PHACTR1: variants seen among roughly 807,000 people sequenced by gnomAD.
PHACTR1 encodes phosphatase and actin regulator 1, also known as RPEL repeat containing 1.
A neutral mutation model predicts 69.2 loss-of-function variants in PHACTR1; 16 were observed. The observed-to-expected ratio is 0.23, with a 90% CI of 0.16 to 0.35. PHACTR1 has a LOEUF of 0.35. PHACTR1 is among the 10% of genes least tolerant of loss of function. The probability of loss-of-function intolerance (pLI) is 1.00; values close to 1 mark genes in which losing one functional copy is unlikely to be tolerated. For missense variants in PHACTR1, 510 were observed against 734.7 expected (o/e 0.69, Z 3.54); for synonymous variants, 312 against 284.5 (o/e 1.10, Z -0.97).
At chr6:13,055,824 G>A (rs561362983) in intron 5 of PHACTR1, among the ~76,000 whole-genome samples, 31 of 152,342 alleles carry the variant, frequency 2.0e-4, no homozygotes, top group African/African-American at 7.0e-4. Context: ...ATTATTAAAC[G>A]TCTTCAAAAA....
At position 12,794,474 on chromosome 6, in the gene PHACTR1, GC is replaced by G. The variant is rs1159809844; in HGVS notation, c.250+44687del. Among the ~76,000 whole-genome samples, 10 of 152,302 alleles carry G rather than the reference GC, an allele frequency of 6.6e-5. No homozygotes were observed. The South Asian group carries it at 2.1e-3, about 32-fold the overall frequency. Reference sequence around the variant, plus strand: ...GCCTGAATATGCTGGGCATAGAGCAGCCCTATGCAATAGAAATTCATGAAAC... The same window carrying G: ...GCCTGAATATGCTGGGCATAGAGCAGCCTATGCAATAGAAATTCATGAAAC... On this transcript the variant is annotated intron_variant, in intron 4 of 14. Transcript: ENST00000332995.
intron 4 of PHACTR1, among the ~76,000 whole-genome samples, chr6:13,052,329 G>A (rs555545665): frequency 1.8e-4 from 28 of 152,322 alleles, no homozygotes; most frequent in Admixed American, 1.2e-3. Context: ...ATGGTCATTG[G>A]CAGGTTGAAC....
At chr6:12,790,153 C>A (rs1182615539) in intron 4 of PHACTR1, among the ~76,000 whole-genome samples, 1 of 152,146 alleles carries the variant, frequency 6.6e-6, no homozygotes, top group Non-Finnish European at 1.5e-5. Context: ...CAGGTCATAT[C>A]ATTCCTCTGT....
intron 4 of PHACTR1, among the ~76,000 whole-genome samples, chr6:12,862,420 G>A (rs894147678): frequency 3.9e-5 from 6 of 152,100 alleles, no homozygotes; most frequent in African/African-American, 1.4e-4. Context: ...CTAGATCTGG[G>A]AGACTGTGAG....
At chr6:13,203,409 A>G (rs1765492681) in intron 7 of PHACTR1, among the ~76,000 whole-genome samples, 2 of 152,260 alleles carry the variant, frequency 1.3e-5, no homozygotes, top group South Asian at 4.1e-4. Context: ...CATCTACCTC[A>G]GACTTGTTGT....
intron 10 of PHACTR1, among the ~76,000 whole-genome samples, chr6:13,254,428 A>G (rs1736502): frequency 0.075 from 11,430 of 152,142 alleles, 708 homozygotes; most frequent in Admixed American, 0.22. Flanking sequence ...CCTTAAAGAG[A>G]AATGGTGCAA....
chr6:12,842,337 C>G (rs1778781020), intron 4 of PHACTR1, among the ~76,000 whole-genome samples: 1 of 152,064 alleles, frequency 6.6e-6, no homozygotes, highest in Non-Finnish European at 1.5e-5. Flanking sequence ...GCCAGTGTTA[C>G]TGGGGAAAAC....
At chr6:12,814,219 G>A (rs1775325465) in intron 4 of PHACTR1, among the ~76,000 whole-genome samples, 2 of 152,132 alleles carry the variant, frequency 1.3e-5, no homozygotes, top group Admixed American at 6.5e-5. Context: ...TCCTCTTGCT[G>A]CCCTGTGTTG....
At chr6:12,877,248 C>T (rs1561970485) in intron 4 of PHACTR1, among the ~76,000 whole-genome samples, 1 of 152,138 alleles carries the variant, frequency 6.6e-6, no homozygotes, top group Non-Finnish European at 1.5e-5. Flanking sequence ...GAAAGGGTTG[C>T]AGTAGAATGA....
intron 4 of PHACTR1, among the ~76,000 whole-genome samples, chr6:12,997,474 G>A (rs1797566646): frequency 6.6e-6 from 1 of 150,568 alleles, no homozygotes; most frequent in East Asian, 1.9e-4. Context: ...ATTTTTTCTA[G>A]TTTTATTCTA....
intron 4 of PHACTR1, among the ~76,000 whole-genome samples, chr6:12,953,230 G>A (rs978468601): frequency 6.6e-6 from 1 of 152,184 alleles, no homozygotes; most frequent in African/African-American, 2.4e-5. Flanking sequence ...GGCTGCGGCA[G>A]GAGAATCTCT....
intron 5 of PHACTR1, among the ~76,000 whole-genome samples, chr6:13,125,793 G>C (rs527874438): frequency 6.6e-6 from 1 of 152,142 alleles, no homozygotes; most frequent in African/African-American, 2.4e-5. Flanking sequence ...AGCCAGACTT[G>C]GTGGTGCACA....
At chr6:13,074,586 G>A (rs1305833427) in intron 5 of PHACTR1, among the ~76,000 whole-genome samples, 1 of 152,230 alleles carries the variant, frequency 6.6e-6, no homozygotes, top group Non-Finnish European at 1.5e-5. Flanking sequence ...TTTCAGATTT[G>A]AGGAAGGCCA....
intron 5 of PHACTR1, among the ~76,000 whole-genome samples, chr6:13,092,496 G>A (rs139203545): frequency 1.3e-5 from 2 of 152,312 alleles, no homozygotes; most frequent in African/African-American, 4.8e-5. Context: ...CAGAAGCCAG[G>A]CAATCCTTCT....
intron 5 of PHACTR1, among the ~76,000 whole-genome samples, chr6:13,133,914 C>G (rs1418500174): frequency 6.6e-6 from 1 of 151,380 alleles, no homozygotes; most frequent in Non-Finnish European, 1.5e-5. Context: ...GGCCGCCCAT[C>G]GTCTGAGATG....
At chr6:12,719,413 A>G (rs749068395) in intron 3 of PHACTR1, among the ~76,000 whole-genome samples, 9 of 152,300 alleles carry the variant, frequency 5.9e-5, no homozygotes, top group Non-Finnish European at 7.4e-5. Flanking sequence ...GTTAGGTTCC[A>G]GTTTTCTTGC....
chr6:12,762,711 GACA>G (rs1312554435), intron 4 of PHACTR1, among the ~76,000 whole-genome samples: 1 of 152,152 alleles, frequency 6.6e-6, no homozygotes, highest in Non-Finnish European at 1.5e-5. Context: ...AGGCAGCCTT[GACA>G]ACAATTACTG....
chr6:13,132,923 G>A (rs1233720537), intron 5 of PHACTR1, among the ~76,000 whole-genome samples: 3 of 152,068 alleles, frequency 2.0e-5, no homozygotes, highest in Non-Finnish European at 2.9e-5. Context: ...TTTCATGAAC[G>A]ATTTTTTGGC....
intron 10 of PHACTR1, among the ~76,000 whole-genome samples, chr6:13,252,338 AAAAAAG>A (rs1162915481): frequency 3.3e-5 from 5 of 151,534 alleles, no homozygotes; most frequent in Admixed American, 6.6e-5. Context: ...AAAAAAAAAA[AAAAAAG>A]AAAAAGGAAA....
Sources: allele counts gnomAD v4.1 joint callset (sites outside exome capture counted in the v4.1 genomes callset), GRCh38; gene constraint gnomAD v4.1.1; transcripts MANE v1.5; gene names NCBI Gene and HGNC (gene_info 2026-07-23, HGNC 2026-07-21).